The following RCOR2 variants were observed in gnomAD, a reference collection of about 807,000 sequenced individuals.
RCOR2 encodes the protein REST corepressor 2.
RCOR2 carries 19 observed loss-of-function variants against 58.9 expected under a neutral mutation model. The ratio of observed to expected loss-of-function variants is 0.32; its 90% CI spans 0.23 to 0.47. RCOR2 has a LOEUF of 0.47. Ranked by LOEUF, RCOR2 falls within the 20% of genes least tolerant of loss-of-function variation. The pLI is 1.00. For synonymous variants in RCOR2, 286 were observed against 278.7 expected, an observed-to-expected ratio of 1.03 and a Z score of -0.26; for missense variants, 590 against 707.9, an observed-to-expected ratio of 0.83 and a Z score of 1.89.
chr11:63,921,030 G>C (rs545996187), upstream of RCOR2, among the ~76,000 whole-genome samples: 1 of 152,346 alleles, frequency 6.6e-6, no homozygotes, highest in South Asian at 2.1e-4. Context: ...TCTGGGAGTG[G>C]CCCTTGGGGG....
chr11:63,921,328 T>A (rs1941914848), upstream of RCOR2, among the ~76,000 whole-genome samples: 1 of 152,192 alleles, frequency 6.6e-6, no homozygotes, highest in Non-Finnish European at 1.5e-5. Context: ...CACCTCAGTC[T>A]GGGAACAAAT....
chr11:63,913,187 T>A (rs145908330), intron 8 of RCOR2, among the ~76,000 whole-genome samples: 1,245 of 109,044 alleles, frequency 0.011, 8 homozygotes, highest in African/African-American at 0.028. Context: ...TATATATATT[T>A]TTTTTTTTTT....
chr11:63,915,927 G>A (rs911635726), intron 1 of RCOR2, among the ~76,000 whole-genome samples: 2 of 152,206 alleles, frequency 1.3e-5, no homozygotes, highest in Admixed American at 6.5e-5. Context: ...CCCTAGACCT[G>A]GACCACAGCC....
rs1479842879 is a variant in RCOR2, at chr11:63,916,419, C to G, written c.38G>C (p.Gly13Ala). 53 of 1,607,570 alleles carry G rather than the reference C, an allele frequency of 3.3e-5. No homozygotes were observed. Among genetic ancestry groups the G allele is most frequent in the Non-Finnish European group, 4.4e-5 (52 of 1,177,812 alleles). ...CTTGGCCCGGCTACGGGACAGGATC[C>G]CAGAGCCCGCGCTCGGCTTCTCCAT... ...SVMEKPSAGS[G>A]ILSRSRAKTV... The change falls in exon 1 of 12, where the codon GGG becomes GCG. Residue 13 changes from glycine to alanine, a missense_variant. Physicochemically the swap from Gly to Ala is moderately conservative, Grantham distance 60. Transcript: ENST00000301459.
intron 1 of RCOR2, 79 bp downstream of exon 1, chr11:63,916,251 G>T (rs879343304): frequency 1.6e-6 from 2 of 1,276,330 alleles, no homozygotes; most frequent in African/African-American, 1.5e-5. Context: ...CAGGCTCGTG[G>T]TCTGCAACTC....
the RCOR2 span, among the ~76,000 whole-genome samples, chr11:63,926,475 TTC>T: frequency 1.1e-4 from 13 of 113,986 alleles, no homozygotes; most frequent in East Asian, 1.6e-3. Context: ...TGCTGTCTAA[TTC>T]TCTCTCTCTC....
chr11:63,915,993 GGT>G (rs1433507239), intron 1 of RCOR2, among the ~76,000 whole-genome samples: 1 of 152,218 alleles, frequency 6.6e-6, no homozygotes, highest in African/African-American at 2.4e-5. Context: ...TCTGTGTGGA[GGT>G]GTCTCTCCAG....
upstream of RCOR2, among the ~76,000 whole-genome samples, chr11:63,917,596 C>G: frequency 6.6e-6 from 1 of 152,152 alleles, no homozygotes; most frequent in East Asian, 1.9e-4. Context: ...CAGGGGGGAC[C>G]CCCCTTATGC....
At position 63,912,952 on chromosome 11, in the gene RCOR2, G is replaced by C. The variant is rs1362210761; in HGVS notation, c.892-5C>G. 1 of 1,611,248 alleles carries C rather than the reference G, an allele frequency of 6.2e-7. No individual in the cohort carries two copies. Among genetic ancestry groups the C allele is most frequent in the African/African-American group, 1.3e-5 (1 of 74,816 alleles). ...CGTCTGCTTCATGCTCTGTACCTGG[G>C]AAGGCCAGGAAGTGGAGGAATATCA... On this transcript the variant is annotated splice_region_variant and splice_polypyrimidine_tract_variant and intron_variant, in intron 8 of 11. Transcript: ENST00000301459.
Position 63,914,783 on chromosome 11 carries a change from C to T in RCOR2, c.352G>A (p.Val118Met). Residue 118 changes from valine to methionine, a missense_variant, in exon 5 of 12, where the codon GTG becomes ATG. Transcript: ENST00000301459. ...LGMLLWHKHD[V>M]EKSLADLANF... ...GCCAGGTCGGCCAGCGACTTCTCCACATCGTGCTTATGCCACAGAAGCATG... is the reference window on the plus strand; with the variant it reads ...GCCAGGTCGGCCAGCGACTTCTCCATATCGTGCTTATGCCACAGAAGCATG... 1 of 1,612,004 alleles carries T rather than the reference C, an allele frequency of 6.2e-7. No individual in the cohort carries two copies. The highest frequency in any genetic ancestry group is 8.5e-7 in the Non-Finnish European group (1 of 1,179,006).
intron 1 of RCOR2, among the ~76,000 whole-genome samples, chr11:63,916,022 A>G (rs1941851185): frequency 6.6e-6 from 1 of 152,092 alleles, no homozygotes; most frequent in South Asian, 2.1e-4. Flanking sequence ...CTCCAGCCAG[A>G]CCTCAGTCCC....
At chr11:63,924,544 C>A in the RCOR2 span, among the ~76,000 whole-genome samples, 2 of 152,168 alleles carry the variant, frequency 1.3e-5, no homozygotes, top group Non-Finnish European at 2.9e-5. Flanking sequence ...TGGCCCTCCA[C>A]TCTTCCCTCT....
the RCOR2 span, among the ~76,000 whole-genome samples, chr11:63,923,144 A>C: frequency 2.2e-4 from 34 of 151,618 alleles, no homozygotes; most frequent in South Asian, 6.9e-3. Flanking sequence ...TTCAAGGCCA[A>C]CCTCACTCCC....
chr11:63,912,549 A>G lies in RCOR2; in HGVS notation c.1028-15T>C. On this transcript the variant is annotated splice_polypyrimidine_tract_variant and intron_variant, in intron 10 of 11. Coordinates refer to ENST00000301459, the MANE Select transcript of RCOR2 (RefSeq NM_173587.4). ...CCTACGGATGGCTGCAAGGGTCAAAAGGGCAGCAGCGTCAATACCCCTTCG... is the reference window on the plus strand; with the variant it reads ...CCTACGGATGGCTGCAAGGGTCAAAGGGGCAGCAGCGTCAATACCCCTTCG... 1.2e-6 allele frequency: 2 copies of G among 1,606,824 alleles called. No individual in the cohort carries two copies. Among genetic ancestry groups the G allele is most frequent in the Non-Finnish European group, 1.7e-6 (2 of 1,173,422 alleles).
At chr11:63,918,521 A>T (rs1375681007), upstream of RCOR2, among the ~76,000 whole-genome samples, 1 of 152,112 alleles carries the variant, frequency 6.6e-6, no homozygotes, top group Non-Finnish European at 1.5e-5. Context: ...CTCTTAAATC[A>T]TGGATTGGGC....
In RCOR2 at chr11:63,916,788, T is replaced by A. The variant is rs547892623; in HGVS notation, c.-332A>T. 1.2e-3 allele frequency: 302 copies of A among 254,680 alleles called. 1 individual carries two copies. The highest frequency in any genetic ancestry group is 7.4e-3 in the Middle Eastern group (6 of 806). 15.8% of individuals were successfully genotyped at this position (254,680 alleles called of 1,614,324 possible). A position where few individuals can be genotyped will look rare whatever the true frequency, so the allele number is the denominator to read the frequency against. On this transcript the variant is annotated 5_prime_UTR_variant, in exon 1 of 12. Transcript: ENST00000301459. ...CCCCTGAAGTCGGGGCCCCCTGTCC[T>A]CGGGGCGCCCTGGAACCCCACCGCC...
Position 63,911,847 on chromosome 11 carries a change from G to C in RCOR2, c.*18C>G. 2 of 1,483,690 alleles carry C rather than the reference G, an allele frequency of 1.3e-6. No individual in the cohort carries two copies. The highest frequency in any genetic ancestry group is 2.9e-5 in the Admixed American group (1 of 34,744). The allele number at this position is 1,483,690 out of a possible 1,614,324, so 91.9% of individuals were successfully genotyped here. ...CAAAGGGGTCCTGGAGCCCGTGGTT[G>C]GTGGAGGACGTCAGGGCTCAGAGTG... is the stretch of plus-strand genomic sequence containing the variant. On this transcript the variant is annotated 3_prime_UTR_variant, in exon 12 of 12. Coordinates refer to ENST00000301459, the MANE Select transcript of RCOR2 (RefSeq NM_173587.4).
intron 9 of RCOR2, 23 bp from the exon 10 acceptor site, chr11:63,912,756 T>C (rs1941791674): frequency 6.2e-7 from 1 of 1,613,302 alleles, no homozygotes; most frequent in Non-Finnish European, 8.5e-7. Context: ...GAACAACATA[T>C]CCTTTAGACT....
At position 63,914,153 on chromosome 11, in the gene RCOR2, G is replaced by T; in HGVS notation, c.692C>A (p.Pro231His). 1 of 1,613,836 alleles carries T rather than the reference G, an allele frequency of 6.2e-7. No individual in the cohort carries two copies. Among genetic ancestry groups the T allele is most frequent in the Non-Finnish European group, 8.5e-7 (1 of 1,179,986 alleles). Residue 231 changes from proline (P) to histidine (H), a missense_variant, in exon 8 of 12, where the codon CCC (proline) becomes CAC (histidine). Coordinates refer to ENST00000301459, the MANE Select transcript of RCOR2 (RefSeq NM_173587.4). ...CCCAGGGCCTGGGCGTGCATTCAGG[G>T]GCCGAGAGGGTAGAGGCTGCCAGTG... is the stretch of plus-strand genomic sequence containing the variant. Reference protein sequence around the residue: ...DPKREPLPSRPLNARPGPGKK... With the variant: ...DPKREPLPSRHLNARPGPGKK...
Sources: gnomAD v4.1 joint callset for allele counts (sites outside exome capture counted in the v4.1 genomes callset) on GRCh38, gnomAD v4.1.1 for gene constraint, MANE v1.5 for transcripts, NCBI Gene and HGNC (gene_info 2026-07-23, HGNC 2026-07-21) for gene names.